Variants in CIB1 observed in about 807,000 individuals in gnomAD.
The protein encoded by CIB1 is calcium and integrin binding 1, also known as calcium and integrin-binding protein 1.
CIB1 carries 19 observed loss-of-function variants against 25.0 expected under a neutral mutation model. That is an observed-to-expected ratio of 0.76 (90% CI 0.53 to 1.12). The LOEUF (loss-of-function observed/expected upper bound fraction) is 1.12. Among genes scored for constraint, CIB1 ranks in the 50% most tolerant of loss-of-function variants. The probability of loss-of-function intolerance (pLI) is 0.00; values close to 1 mark genes in which losing one functional copy is unlikely to be tolerated. For synonymous variants in CIB1, 104 were observed against 98.5 expected (o/e 1.06, Z -0.33); for missense variants, 236 against 242.6 (o/e 0.97, Z 0.18).
the CIB1 span, chr15:90,259,063 G>A: frequency 1.1e-5 from 16 of 1,489,902 alleles, no homozygotes; most frequent in African/African-American, 2.8e-5. Flanking sequence ...GTTCATATTT[G>A]CATTAAAAAA....
the CIB1 span, among the ~76,000 whole-genome samples, chr15:90,246,178 C>T: frequency 2.0e-5 from 3 of 151,962 alleles, no homozygotes; most frequent in African/African-American, 2.4e-5. Flanking sequence ...GAGGCTGAGG[C>T]GGAAGAATCG....
rs1174788887 is a variant in CIB1, at chr15:90,233,919, C to T, written c.-34G>A. The T allele has an allele frequency of 6.9e-7, 1 of 1,448,602 alleles. No individual in the cohort carries two copies. The highest frequency in any genetic ancestry group is 2.7e-5 in the Admixed American group (1 of 36,470). The allele number at this position is 1,448,602 out of a possible 1,614,324, so 89.7% of individuals were successfully genotyped here. A position where few individuals can be genotyped will look rare whatever the true frequency, so the allele number is the denominator to read the frequency against. On this transcript the variant is annotated 5_prime_UTR_variant, in exon 1 of 7. Coordinates refer to ENST00000328649, the MANE Select transcript of CIB1 (RefSeq NM_006384.4). ...CGCGCGCACAGCTCCGCCAACTCGC[C>T]TCGAGACGCAGACAACTTTCTCACT...
In CIB1 at chr15:90,231,602, C is replaced by T. The variant is rs74037065; in HGVS notation, c.196-95G>A. ...GAGCAGGTCACAGGACCAGCACCAG[C>T]GAGCTCAGCCTCGTGGGGGTGAACA... On this transcript the variant is annotated intron_variant, in intron 3 of 6. Transcript: ENST00000328649. The T allele has an allele frequency of 7.7e-6, 11 of 1,429,780 alleles. No homozygotes were observed. In the Admixed American group the frequency reaches 1.0e-4, roughly 14 times the overall value. 88.6% of individuals were successfully genotyped at this position (1,429,780 alleles called of 1,614,324 possible). A position where few individuals can be genotyped will look rare whatever the true frequency, so the allele number is the denominator to read the frequency against.
chr15:90,242,263 T>C, the CIB1 span: 2 of 318,358 alleles, frequency 6.3e-6, no homozygotes, highest in East Asian at 7.9e-5. Context: ...CTTTTTTTTT[T>C]TTTTTTTTTT....
chr15:90,249,573 G>T, the CIB1 span: 80,246 of 152,240 alleles, frequency 0.53, 22,698 homozygotes, highest in African/African-American at 0.72. Context: ...GCGCTGCCCC[G>T]GCAGCCGCAG....
intron 6 of CIB1, 120 bp downstream of exon 6, chr15:90,230,812 CTG>C: frequency 1.1e-6 from 1 of 931,172 alleles, no homozygotes; most frequent in Non-Finnish European, 1.7e-6. Context: ...TTAGCCGGCC[CTG>C]TGTGTGGGGA....
the CIB1 span, chr15:90,251,671 C>T: frequency 2.4e-5 from 37 of 1,535,114 alleles, 1 homozygote; most frequent in Non-Finnish European, 3.2e-5. Context: ...CTGGAATGGA[C>T]CCCCGATCAG....
At chr15:90,257,051 T>C in the CIB1 span, 1 of 1,250,548 alleles carries the variant, frequency 8.0e-7, no homozygotes, top group South Asian at 1.5e-5. Context: ...GGAAATTCAA[T>C]TAGCTATGTG....
the CIB1 span, chr15:90,257,996 T>G: frequency 6.9e-6 from 11 of 1,588,024 alleles, no homozygotes; most frequent in African/African-American, 2.7e-5. Context: ...CCTGGCCCAG[T>G]GGCCTAGAAA....
At chr15:90,238,019 G>T (rs1740570212), upstream of CIB1, among the ~76,000 whole-genome samples, 1 of 152,098 alleles carries the variant, frequency 6.6e-6, no homozygotes, top group African/African-American at 2.4e-5. Flanking sequence ...AACATTTTTG[G>T]CCAGGTGCGG....
chr15:90,264,681 G>C, the CIB1 span: 2 of 1,529,482 alleles, frequency 1.3e-6, no homozygotes, highest in African/African-American at 1.4e-5. Flanking sequence ...AATCTCTTCT[G>C]TGAATACCAA....
At chr15:90,242,431 C>CTTTTTTTTTTTTTTTTTT in the CIB1 span, 1 of 65,510 alleles carries the variant, frequency 1.5e-5, no homozygotes, top group Non-Finnish European at 3.1e-5. Flanking sequence ...TTTTCTGTTT[C>CTTTTTTTTTTTTTTTTTT]TTTTTTTTTT....
chr15:90,249,173 C>T, the CIB1 span, among the ~76,000 whole-genome samples: 1 of 145,254 alleles, frequency 6.9e-6, no homozygotes, highest in African/African-American at 2.6e-5. Flanking sequence ...ATGGTGCATT[C>T]CACTGCACTC....
the CIB1 span, chr15:90,241,012 A>T: frequency 4.3e-6 from 7 of 1,613,832 alleles, no homozygotes; most frequent in Non-Finnish European, 5.9e-6. Flanking sequence ...GGGCAGAAGG[A>T]TCTCATGGCA....
At chr15:90,257,710 T>C in the CIB1 span, 8 of 1,614,040 alleles carry the variant, frequency 5.0e-6, no homozygotes, top group East Asian at 1.3e-4. Context: ...GATGGCGCTG[T>C]GGGCAGTAAG....
the CIB1 span, chr15:90,262,715 T>C: frequency 2.1e-6 from 3 of 1,435,604 alleles, no homozygotes; most frequent in East Asian, 2.5e-5. Context: ...GAAAATGGGT[T>C]GGGACAACTA....
the CIB1 span, among the ~76,000 whole-genome samples, chr15:90,256,593 CTTTCT>C: frequency 5.1e-5 from 2 of 39,056 alleles, no homozygotes; most frequent in African/African-American, 1.0e-4. Context: ...TTCTTTCTTT[CTTTCT>C]TTCTTTCTTT....
the CIB1 span, chr15:90,244,624 ACCAGCCTGG>A: frequency 6.6e-6 from 1 of 152,158 alleles, no homozygotes; most frequent in African/African-American, 2.4e-5. Context: ...GGAGTTCGAG[ACCAGCCTGG>A]CCAACATGGT....
chr15:90,262,806 A>G, the CIB1 span: 3 of 1,217,056 alleles, frequency 2.5e-6, no homozygotes, highest in Non-Finnish European at 3.3e-6. Context: ...ATTGAATCCG[A>G]TCCTTTGGAA....
Sources: gnomAD v4.1 joint callset for allele counts (sites outside exome capture counted in the v4.1 genomes callset) on GRCh38, gnomAD v4.1.1 for gene constraint, MANE v1.5 for transcripts, NCBI Gene and HGNC (gene_info 2026-07-23, HGNC 2026-07-21) for gene names.